SNX6: variants seen among roughly 807,000 people sequenced by gnomAD.
SNX6 encodes sorting nexin-6.
In SNX6, 34 loss-of-function variants were observed where a neutral mutation model predicts 63.0. The observed-to-expected ratio is 0.54, with a 90% confidence interval of 0.41 to 0.72. The LOEUF (loss-of-function observed/expected upper bound fraction) is 0.72. Ranked by LOEUF, SNX6 falls within the 30% of genes least tolerant of loss-of-function variation. The probability of loss-of-function intolerance (pLI) is 0.00; values close to 1 mark genes in which losing one functional copy is unlikely to be tolerated. For synonymous variants in SNX6, 170 were observed against 164.2 expected (o/e 1.04, Z -0.27); for missense variants, 398 against 471.4 (o/e 0.84, Z 1.44).
At chr14:34,571,835 A>G (rs927679550) in intron 11 of SNX6, among the ~76,000 whole-genome samples, 6 of 152,188 alleles carry the variant, frequency 3.9e-5, no homozygotes, top group African/African-American at 1.4e-4. Flanking sequence ...GAACACCTGT[A>G]TGGACATATG....
intron 10 of SNX6, among the ~76,000 whole-genome samples, chr14:34,579,100 T>C (rs932293440): frequency 6.6e-6 from 1 of 151,978 alleles, no homozygotes; most frequent in African/African-American, 2.4e-5. Context: ...GGTACAATCA[T>C]TATGGGAAAG....
Position 34,569,006 on chromosome 14 carries a change from T to C in SNX6, c.922-993A>G, listed in dbSNP as rs575893838. 76 of 1,469,114 alleles carry C rather than the reference T, an allele frequency of 5.2e-5. No individual in the cohort carries two copies. In the African/African-American group the frequency reaches 1.0e-3, roughly 19 times the overall value. 91.0% of individuals were successfully genotyped at this position (1,469,114 alleles called of 1,614,324 possible). ...TCGTAGGGAGCAAGCTCTTTGTGCT[T>C]GGCCAGCAGCTTGACGGTGTCCACC... On this transcript the variant is annotated intron_variant, in intron 11 of 13. Coordinates refer to ENST00000362031, the MANE Select transcript of SNX6 (RefSeq NM_152233.4).
At chr14:34,579,334 G>C (rs961510490) in intron 10 of SNX6, among the ~76,000 whole-genome samples, 3 of 152,038 alleles carry the variant, frequency 2.0e-5, no homozygotes, top group African/African-American at 4.8e-5. Flanking sequence ...GAAGAATAAA[G>C]GAACCAAGCC....
chr14:34,581,881 T>G (rs1881950816), intron 9 of SNX6, among the ~76,000 whole-genome samples: 2 of 152,022 alleles, frequency 1.3e-5, no homozygotes, highest in Non-Finnish European at 2.9e-5. Flanking sequence ...CAGAACGGAG[T>G]GCAACTGCGC....
At chr14:34,609,333 T>G (rs892028222) in intron 3 of SNX6, among the ~76,000 whole-genome samples, 6 of 151,318 alleles carry the variant, frequency 4.0e-5, no homozygotes, top group African/African-American at 1.5e-4. Context: ...TACAAAAAAT[T>G]AGCCGGACAT....
At chr14:34,601,535 A>G (rs1198406277) in intron 6 of SNX6, among the ~76,000 whole-genome samples, 2 of 151,522 alleles carry the variant, frequency 1.3e-5, no homozygotes, top group Non-Finnish European at 2.9e-5. Flanking sequence ...ACTTCTTAAG[A>G]GGTTTGCAAT....
At chr14:34,576,518 G>A (rs534223579) in intron 10 of SNX6, among the ~76,000 whole-genome samples, 12 of 150,554 alleles carry the variant, frequency 8.0e-5, no homozygotes, top group African/African-American at 2.7e-4. Context: ...GCGCAATCTC[G>A]GCTCACTGCA....
chr14:34,627,180 C>T (rs1171732095), intron 2 of SNX6, among the ~76,000 whole-genome samples: 1 of 152,200 alleles, frequency 6.6e-6, no homozygotes, highest in Non-Finnish European at 1.5e-5. Flanking sequence ...GGCGCGGTGG[C>T]TCACGCCTGT....
At chr14:34,584,003 A>G (rs994909319) in intron 9 of SNX6, among the ~76,000 whole-genome samples, 1 of 151,900 alleles carries the variant, frequency 6.6e-6, no homozygotes, top group African/African-American at 2.4e-5. Context: ...ATGCGCCACC[A>G]CGCCAGGCTA....
intron 3 of SNX6, among the ~76,000 whole-genome samples, chr14:34,609,353 C>T (rs996647419): frequency 2.0e-5 from 3 of 150,936 alleles, no homozygotes; most frequent in Non-Finnish European, 3.0e-5. Flanking sequence ...TGGTGGTGGA[C>T]GCCTGTAGTC....
At chr14:34,604,304 C>T (rs1292238406) in intron 5 of SNX6, 1 of 1,233,532 alleles carries the variant, frequency 8.1e-7, no homozygotes, top group African/African-American at 1.6e-5. Context: ...ATCAGGGCCA[C>T]TGGAAAATCA....
In SNX6 at chr14:34,603,399, A is replaced by G; in HGVS notation, c.465T>C (p.Pro155=). Residue 155 remains proline (P), a synonymous_variant, in exon 6 of 14, where the codon CCT becomes CCC. Coordinates refer to ENST00000362031, the MANE Select transcript of SNX6 (RefSeq NM_152233.4). The part of the protein sequence containing the change: ...EVFLCRVAAH[P]ILRRDLNFHV... ...GGAAATTTAAATCTCTTCTCAAAAT[A>G]GGATGTGCTGCCACACGACACAGGA... 6.2e-7 allele frequency: 1 copy of G among 1,610,760 alleles called. No homozygotes were observed.
At chr14:34,566,496 G>A (rs1012822600) in intron 13 of SNX6, among the ~76,000 whole-genome samples, 5 of 152,164 alleles carry the variant, frequency 3.3e-5, no homozygotes, top group Admixed American at 2.0e-4. Flanking sequence ...TTACAGGCGT[G>A]AGCCACCGCA....
intron 8 of SNX6, among the ~76,000 whole-genome samples, chr14:34,590,107 CAACAACAACAAAA>C (rs1466848718): frequency 6.6e-6 from 1 of 151,452 alleles, no homozygotes; most frequent in African/African-American, 2.4e-5. Context: ...CCTGTCTCAA[CAACAACAACAAAA>C]AACAACAACA....
In SNX6 at chr14:34,562,831, A is replaced by T. The variant is rs1279775005; in HGVS notation, c.*291T>A. 2 of 333,996 alleles carry T rather than the reference A, an allele frequency of 6.0e-6. No homozygotes were observed. Among genetic ancestry groups the T allele is most frequent in the Non-Finnish European group, 1.1e-5 (2 of 185,294 alleles). 20.7% of individuals were successfully genotyped at this position (333,996 alleles called of 1,614,324 possible). A position where few individuals can be genotyped will look rare whatever the true frequency, so the allele number is the denominator to read the frequency against. ...CCATAAGGAATACTATTTATAAAAT[A>T]AACAGAGTTATAGAGGCTACTTTAA... On this transcript the variant is annotated 3_prime_UTR_variant, in exon 14 of 14. Coordinates refer to ENST00000362031, the MANE Select transcript of SNX6 (RefSeq NM_152233.4).
chr14:34,569,421 GT>G (rs111736588), intron 11 of SNX6, among the ~76,000 whole-genome samples: 47 of 143,868 alleles, frequency 3.3e-4, no homozygotes, highest in Non-Finnish European at 3.5e-4. Context: ...TTCTGGACAT[GT>G]TTTTTTTTTT....
At chr14:34,564,982 C>T (rs557978598) in intron 13 of SNX6, among the ~76,000 whole-genome samples, 1 of 151,856 alleles carries the variant, frequency 6.6e-6, no homozygotes, top group South Asian at 2.1e-4. Flanking sequence ...CAGCCACAAG[C>T]ATAAATGAAT....
chr14:34,608,142 TG>T lies in SNX6; in HGVS notation c.160-3del. The T allele has an allele frequency of 6.5e-7, 1 of 1,532,764 alleles. No individual in the cohort carries two copies. The highest frequency in any genetic ancestry group is 8.9e-7 in the Non-Finnish European group (1 of 1,120,026). The allele number at this position is 1,532,764 out of a possible 1,614,324, so 94.9% of individuals were successfully genotyped here. On this transcript the variant is annotated splice_region_variant and splice_polypyrimidine_tract_variant and intron_variant, in intron 3 of 13. Coordinates refer to ENST00000362031, the MANE Select transcript of SNX6 (RefSeq NM_152233.4). ...TTGTTTAAAATTTGGCAATGAACTCTGTAAAGATAGAGATTTTCTTGAATAA... is the reference window on the plus strand; with the variant it reads ...TTGTTTAAAATTTGGCAATGAACTCTTAAAGATAGAGATTTTCTTGAATAA...
chr14:34,586,356 T>C (rs755289510), intron 8 of SNX6, 51 bp from the exon 9 acceptor site: 1 of 1,212,940 alleles, frequency 8.2e-7, no homozygotes, highest in East Asian at 2.4e-5. Context: ...GATTTAAAAA[T>C]ACTTACTGAG....
Sources: allele counts gnomAD v4.1 joint callset (sites outside exome capture counted in the v4.1 genomes callset), GRCh38; gene constraint gnomAD v4.1.1; transcripts MANE v1.5; gene names NCBI Gene and HGNC (gene_info 2026-07-23, HGNC 2026-07-21).